Variants in VEGFC observed in about 807,000 individuals in gnomAD.
VEGFC encodes the protein FLT4 ligand DHM.
VEGFC carries 12 observed loss-of-function variants against 46.1 expected under a neutral mutation model. That is an observed-to-expected ratio of 0.26 (90% CI 0.17 to 0.42). VEGFC has a LOEUF of 0.42. Ranked by LOEUF, VEGFC falls within the 10% of genes least tolerant of loss-of-function variation. The pLI is 1.00. For missense variants in VEGFC, 488 were observed against 529.4 expected (o/e 0.92, Z 0.77); for synonymous variants, 232 against 195.5 (o/e 1.19, Z -1.56).
chr4:176,722,420 C>G (rs1734802729), intron 3 of VEGFC, among the ~76,000 whole-genome samples: 1 of 151,860 alleles, frequency 6.6e-6, no homozygotes, highest in Admixed American at 6.6e-5. Flanking sequence ...ATTATTTCAC[C>G]TATATGCAGC....
intron 1 of VEGFC, among the ~76,000 whole-genome samples, chr4:176,731,714 C>T (rs1247074752): frequency 6.6e-6 from 1 of 151,882 alleles, no homozygotes; most frequent in East Asian, 1.9e-4. Context: ...TCTGCATGTT[C>T]AGCCTAGCAA....
chr4:176,712,588 A>G (rs983600287), intron 3 of VEGFC, among the ~76,000 whole-genome samples: 1 of 152,198 alleles, frequency 6.6e-6, no homozygotes, highest in African/African-American at 2.4e-5. Context: ...TCATTTAACT[A>G]TAATTGATCC....
chr4:176,691,226 G>A (rs568543612), intron 4 of VEGFC, among the ~76,000 whole-genome samples: 12 of 152,188 alleles, frequency 7.9e-5, no homozygotes, highest in African/African-American at 2.4e-4. Flanking sequence ...TCTCCTTTAC[G>A]TTTTAATCTC....
chr4:176,708,991 T>C (rs2110996482), intron 4 of VEGFC, among the ~76,000 whole-genome samples: 1 of 152,284 alleles, frequency 6.6e-6, no homozygotes, highest in South Asian at 2.1e-4. Flanking sequence ...AATGAATTAG[T>C]GGCAAATCTG....
intron 3 of VEGFC, among the ~76,000 whole-genome samples, chr4:176,716,634 G>A (rs982364885): frequency 6.7e-6 from 1 of 150,324 alleles, no homozygotes; most frequent in Non-Finnish European, 1.5e-5. Flanking sequence ...AGACCTCACG[G>A]TGAGGGTGAA....
intron 1 of VEGFC, among the ~76,000 whole-genome samples, chr4:176,760,523 C>T (rs191170314): frequency 6.6e-6 from 1 of 152,006 alleles, no homozygotes; most frequent in African/African-American, 2.4e-5. Flanking sequence ...ATTTATCAGC[C>T]CTGTAACTGA....
At position 176,785,074 on chromosome 4, in the gene VEGFC, C is replaced by T. The variant is rs138194578; in HGVS notation, c.147+7091G>A. Among the ~76,000 whole-genome samples, 209 of 152,236 alleles carry T rather than the reference C, an allele frequency of 1.4e-3. 1 individual carries two copies. Among genetic ancestry groups the T allele is most frequent in the African/African-American group, 4.5e-3 (189 of 41,540 alleles). ...CAGTGAGTTCTTCCAGGCGCTATCACAGGCAGTGTAAACAGAGTGCATAGG... is the reference window on the plus strand; with the variant it reads ...CAGTGAGTTCTTCCAGGCGCTATCATAGGCAGTGTAAACAGAGTGCATAGG... On this transcript the variant is annotated intron_variant, in intron 1 of 6. Coordinates refer to ENST00000618562, the MANE Select transcript of VEGFC (RefSeq NM_005429.5).
chr4:176,686,048 C>G (rs868690886), intron 6 of VEGFC, among the ~76,000 whole-genome samples: 2 of 152,116 alleles, frequency 1.3e-5, no homozygotes, highest in African/African-American at 4.8e-5. Flanking sequence ...AGAACATTAT[C>G]TACCCATATG....
intron 1 of VEGFC, among the ~76,000 whole-genome samples, chr4:176,735,612 G>C (rs1294887558): frequency 6.6e-6 from 1 of 151,872 alleles, no homozygotes; most frequent in African/African-American, 2.4e-5. Context: ...CTGGTGTGTA[G>C]GAAGAGTTCA....
chr4:176,716,132 G>T (rs577621933), intron 3 of VEGFC, among the ~76,000 whole-genome samples: 30 of 152,188 alleles, frequency 2.0e-4, no homozygotes, highest in African/African-American at 6.7e-4. Context: ...TTTTGTTAAA[G>T]AAATTCTAAA....
rs1391755269 is a variant in VEGFC, at chr4:176,692,639, C to T, written c.705-4712G>A. 2.1e-5 allele frequency among the ~76,000 whole-genome samples: 3 copies of T among 144,694 alleles called. No individual in the cohort carries two copies. In the East Asian group the frequency reaches 5.9e-4, roughly 28 times the overall value. The allele number at this position is 144,694 out of a possible 152,430, so 94.9% of individuals were successfully genotyped here. ...TGGAGCCCACCACAGCTCAAGGAGG[C>T]CTGCCTGCCTCTGTAGGCTCCACCT... is the stretch of plus-strand genomic sequence containing the variant. On this transcript the variant is annotated intron_variant, in intron 4 of 6. Coordinates refer to ENST00000618562, the MANE Select transcript of VEGFC (RefSeq NM_005429.5).
chr4:176,739,835 G>A (rs867814959), intron 1 of VEGFC, among the ~76,000 whole-genome samples: 48 of 151,060 alleles, frequency 3.2e-4, no homozygotes, highest in Admixed American at 2.9e-3. Context: ...GATTGAAATC[G>A]AGAGAGGAAG....
rs1308759510 is a variant in VEGFC at position 176,687,532 on chromosome 4, G to C, written c.812-12C>G. 6.4e-7 allele frequency: 1 copy of C among 1,559,888 alleles called. No homozygotes were observed. The highest frequency in any genetic ancestry group is 8.7e-7 in the Non-Finnish European group (1 of 1,155,312). ...TCCATCTGTTGAGTCTAGACAAATA[G>C]TCAGAGAATCTTTACTATACCTTAC... On this transcript the variant is annotated splice_polypyrimidine_tract_variant and intron_variant, in intron 5 of 6. Coordinates refer to ENST00000618562, the MANE Select transcript of VEGFC (RefSeq NM_005429.5).
chr4:176,691,096 C>T (rs1353369239), intron 4 of VEGFC, among the ~76,000 whole-genome samples: 5 of 152,126 alleles, frequency 3.3e-5, no homozygotes, highest in African/African-American at 7.2e-5. Flanking sequence ...GCAAGTTCTT[C>T]GCATTTAAAA....
At chr4:176,765,550 A>ATTTTTTT (rs779746169) in intron 1 of VEGFC, among the ~76,000 whole-genome samples, 16 of 131,496 alleles carry the variant, frequency 1.2e-4, no homozygotes, top group Non-Finnish European at 2.1e-4. Context: ...CAAAGACAGA[A>ATTTTTTT]TTTTTTTTTT....
At chr4:176,709,483 C>G (rs747492503) in intron 4 of VEGFC, among the ~76,000 whole-genome samples, 1 of 152,134 alleles carries the variant, frequency 6.6e-6, no homozygotes, top group Non-Finnish European at 1.5e-5. Context: ...ATTCAAGAAG[C>G]AAAGTTGGCC....
intron 1 of VEGFC, among the ~76,000 whole-genome samples, chr4:176,782,210 T>C (rs890976866): frequency 1.3e-5 from 2 of 152,264 alleles, no homozygotes; most frequent in African/African-American, 4.8e-5. Flanking sequence ...CTCATGCCTG[T>C]AATCCCAGCA....
At chr4:176,765,461 AT>A (rs577346440) in intron 1 of VEGFC, among the ~76,000 whole-genome samples, 24 of 152,246 alleles carry the variant, frequency 1.6e-4, no homozygotes, top group Non-Finnish European at 2.8e-4. Context: ...AGATTCAAAA[AT>A]TGCTATGATC....
At chr4:176,703,520 CAAAGT>C (rs1734472015) in intron 4 of VEGFC, among the ~76,000 whole-genome samples, 1 of 151,876 alleles carries the variant, frequency 6.6e-6, no homozygotes, top group South Asian at 2.1e-4. Flanking sequence ...TAATGCATTC[CAAAGT>C]ACAGTTATAT....
Sources: allele counts gnomAD v4.1 joint callset (sites outside exome capture counted in the v4.1 genomes callset), GRCh38; gene constraint gnomAD v4.1.1; transcripts MANE v1.5; gene names NCBI Gene and HGNC (gene_info 2026-07-23, HGNC 2026-07-21).